RXFP1: variants seen among roughly 807,000 people sequenced by gnomAD.
RXFP1 encodes the protein relaxin receptor 1.
Under a neutral mutation model 89.8 loss-of-function variants are expected in RXFP1, and 73 were observed. That is an observed-to-expected ratio of 0.81 (90% confidence interval 0.67 to 0.99). RXFP1 has a LOEUF of 0.99. RXFP1 is among the 50% of genes least tolerant of loss of function. RXFP1 has a pLI of 0.00. For missense variants in RXFP1, 793 were observed against 895.5 expected (o/e 0.89, Z 1.46); for synonymous variants, 277 against 305.5 (o/e 0.91, Z 0.97).
chr4:158,608,175 G>A (rs1337933436), intron 6 of RXFP1, 132 bp downstream of exon 6: 4 of 567,968 alleles, frequency 7.0e-6, no homozygotes, highest in South Asian at 4.9e-5. Context: ...GGGCAGTAGA[G>A]CACCGTGGCT....
chr4:158,572,872 A>AG, intron 2 of RXFP1, 37 bp downstream of exon 2: 1 of 1,607,758 alleles, frequency 6.2e-7, no homozygotes, highest in Non-Finnish European at 8.5e-7. Flanking sequence ...GAGAGAAAGG[A>AG]GCAGAAAGGA....
intron 14 of RXFP1, among the ~76,000 whole-genome samples, chr4:158,640,007 C>T (rs1770051115): frequency 6.6e-6 from 1 of 152,178 alleles, no homozygotes; most frequent in African/African-American, 2.4e-5. Context: ...CTTGGTCTTC[C>T]CAGCCTCCAG....
At chr4:158,538,696 C>G (rs889736668) in intron 1 of RXFP1, among the ~76,000 whole-genome samples, 1 of 151,910 alleles carries the variant, frequency 6.6e-6, no homozygotes, top group African/African-American at 2.4e-5. Context: ...GCCTGTAATC[C>G]CAGCTACTGG....
chr4:158,632,883 C>T (rs1250026564), intron 11 of RXFP1, among the ~76,000 whole-genome samples: 2 of 152,042 alleles, frequency 1.3e-5, no homozygotes, highest in African/African-American at 4.8e-5. Flanking sequence ...TGATTAAAAC[C>T]AGATCAGGCC....
chr4:158,558,626 A>G (rs1251851691), intron 1 of RXFP1, among the ~76,000 whole-genome samples: 1 of 152,200 alleles, frequency 6.6e-6, no homozygotes, highest in East Asian at 1.9e-4. Context: ...ATTCACCCCT[A>G]TGAGAAATAT....
chr4:158,608,143 A>T (rs1762857079), intron 6 of RXFP1, 100 bp downstream of exon 6: 1 of 739,828 alleles, frequency 1.4e-6, no homozygotes, highest in Non-Finnish European at 2.2e-6. Flanking sequence ...AGTACCAAGG[A>T]GCCATGCAAG....
intron 2 of RXFP1, among the ~76,000 whole-genome samples, chr4:158,592,657 T>A (rs1202770862): frequency 1.3e-5 from 2 of 152,252 alleles, no homozygotes; most frequent in Admixed American, 1.3e-4. Context: ...ACATCAGTTT[T>A]AGAGATTGAA....
intron 3 of RXFP1, among the ~76,000 whole-genome samples, chr4:158,595,514 A>G (rs910605298): frequency 2.6e-5 from 4 of 152,330 alleles, no homozygotes; most frequent in South Asian, 2.1e-4. Context: ...GAATTAGTAG[A>G]TCAACAAAAT....
chr4:158,617,250 G>T, intron 9 of RXFP1, 45 bp downstream of exon 9: 2 of 1,393,492 alleles, frequency 1.4e-6, no homozygotes, highest in Non-Finnish European at 2.0e-6. Flanking sequence ...TAAATTTTCT[G>T]TTTTTACCTA....
intron 9 of RXFP1, among the ~76,000 whole-genome samples, chr4:158,623,203 A>G (rs1159932208): frequency 6.6e-6 from 1 of 152,118 alleles, no homozygotes. Context: ...GCAGTAAGAA[A>G]TAATCCACCA....
intron 9 of RXFP1, among the ~76,000 whole-genome samples, chr4:158,626,108 CTATATAGATAGATAGATAGATAGATAGA>C (rs1191580782): frequency 3.6e-5 from 4 of 110,498 alleles, no homozygotes; most frequent in African/African-American, 1.6e-4. Context: ...ATTTAGATAT[CTATATAGATAGATAGATAGATAGATAGA>C]TAGATAGATA....
chr4:158,530,491 G>C (rs1743756886), intron 1 of RXFP1, among the ~76,000 whole-genome samples: 1 of 152,174 alleles, frequency 6.6e-6, no homozygotes, highest in Non-Finnish European at 1.5e-5. Flanking sequence ...CAATGGTCCA[G>C]AAGATTTGCC....
At chr4:158,646,611 C>A (rs1771593465) in intron 15 of RXFP1, 180 bp from the exon 16 acceptor site, 1 of 1,402,414 alleles carries the variant, frequency 7.1e-7, no homozygotes, top group Non-Finnish European at 9.2e-7. Context: ...GAGTGGTTAC[C>A]AAAGAGAGTC....
intron 3 of RXFP1, among the ~76,000 whole-genome samples, chr4:158,598,726 GA>G (rs1388585148): frequency 8.6e-5 from 13 of 151,436 alleles, no homozygotes; most frequent in Admixed American, 6.6e-5. Flanking sequence ...ATCCTATGCA[GA>G]AAAAACATTC....
intron 3 of RXFP1, among the ~76,000 whole-genome samples, chr4:158,598,096 G>T (rs1028713965): frequency 6.6e-6 from 1 of 152,118 alleles, no homozygotes. Flanking sequence ...ATTCACAGAG[G>T]TCTCTGCTTA....
intron 1 of RXFP1, among the ~76,000 whole-genome samples, chr4:158,552,362 C>A (rs1214632149): frequency 2.0e-5 from 3 of 152,080 alleles, no homozygotes; most frequent in East Asian, 1.9e-4. Flanking sequence ...AAATATGAAA[C>A]CTCAGCCACT....
intron 9 of RXFP1, among the ~76,000 whole-genome samples, chr4:158,622,796 T>C (rs1321717087): frequency 6.6e-6 from 1 of 152,178 alleles, no homozygotes; most frequent in Non-Finnish European, 1.5e-5. Context: ...ATGGCATGTC[T>C]ATAGTTTAAT....
chr4:158,622,317 A>C (rs961342372), intron 9 of RXFP1, among the ~76,000 whole-genome samples: 2 of 152,086 alleles, frequency 1.3e-5, no homozygotes, highest in African/African-American at 2.4e-5. Flanking sequence ...TCTCAAATAA[A>C]AAAAAAAATT....
intron 11 of RXFP1, among the ~76,000 whole-genome samples, chr4:158,629,892 T>C (rs148063524): frequency 2.2e-4 from 33 of 152,224 alleles, no homozygotes; most frequent in African/African-American, 7.7e-4. Flanking sequence ...CCCATACTTT[T>C]GGTATTACAG....
Sources: gnomAD v4.1 joint callset for allele counts (sites outside exome capture counted in the v4.1 genomes callset) on GRCh38, gnomAD v4.1.1 for gene constraint, MANE v1.5 for transcripts, NCBI Gene and HGNC (gene_info 2026-07-23, HGNC 2026-07-21) for gene names.